The following ANKRD30A variants were observed in gnomAD, a reference collection of about 807,000 sequenced individuals.
ANKRD30A encodes the protein ankyrin repeat domain-containing protein 30A.
In ANKRD30A, 170 loss-of-function variants were observed where a neutral mutation model predicts 166.3. The observed-to-expected ratio is 1.02, with a 90% CI of 0.90 to 1.16. The LOEUF (loss-of-function observed/expected upper bound fraction) is 1.16. Ranked by LOEUF, ANKRD30A falls within the 50% of genes most tolerant of loss-of-function variation. The pLI is 0.00. For synonymous variants in ANKRD30A, 564 were observed against 508.9 expected (o/e 1.11, Z -1.46); for missense variants, 1,630 against 1,518.0 (o/e 1.07, Z -1.23).
chr10:37,214,069 T>A (rs1207219237), intron 31 of ANKRD30A, among the ~76,000 whole-genome samples: 2 of 151,662 alleles, frequency 1.3e-5, no homozygotes, highest in Non-Finnish European at 3.0e-5. Flanking sequence ...CTTTGTATCA[T>A]GTATTTTGAA....
chr10:37,200,679 A>G (rs2132691053), intron 30 of ANKRD30A, among the ~76,000 whole-genome samples: 1 of 152,232 alleles, frequency 6.6e-6, no homozygotes, highest in Non-Finnish European at 1.5e-5. Context: ...ATCACCATAA[A>G]TTTTGTCAAA....
chr10:37,153,422 G>A (rs1838110943), intron 12 of ANKRD30A, 150 bp from the exon 13 acceptor site: 4 of 1,180,266 alleles, frequency 3.4e-6, no homozygotes, highest in Non-Finnish European at 4.7e-6. Context: ...ATCAAAATGT[G>A]TTGGTTTTCT....
Position 37,217,855 on chromosome 10 carries a change from A to C in ANKRD30A, c.3244A>C (p.Ser1082Arg). Residue 1082 changes from serine (S) to arginine (R), a missense_variant, in exon 33 of 36, where the codon AGT (serine) becomes CGT (arginine). Ser to Arg is a moderately radical substitution (Grantham distance 110). Around this residue, in one of 4 missense-constraint regions of ANKRD30A, gnomAD observed 712 missense variants for 629.3 expected, o/e 1.13. Coordinates refer to ENST00000361713, the MANE Select transcript of ANKRD30A (RefSeq NM_052997.3). ...CAGAATACAAGATATAGAATTGAAG[A>C]GTGTAGAAAGTAATTTGAATCAGGT... Reference protein sequence around the residue: ...ALRIQDIELKSVESNLNQVSH... With the variant: ...ALRIQDIELKRVESNLNQVSH... 1 of 1,555,588 alleles carries C rather than the reference A, an allele frequency of 6.4e-7. No homozygotes were observed. The highest frequency in any genetic ancestry group is 8.6e-7 in the Non-Finnish European group (1 of 1,158,188).
the ANKRD30A span, among the ~76,000 whole-genome samples, chr10:37,250,318 C>G: frequency 6.6e-6 from 1 of 151,920 alleles, no homozygotes; most frequent in Admixed American, 6.6e-5. Context: ...CCATACAGGT[C>G]AGGGAGGTGT....
the ANKRD30A span, among the ~76,000 whole-genome samples, chr10:37,258,783 G>GA: frequency 6.6e-6 from 1 of 151,494 alleles, no homozygotes; most frequent in Non-Finnish European, 1.5e-5. Context: ...CTAACAAGGT[G>GA]AAACCCCTAC....
intron 21 of ANKRD30A, among the ~76,000 whole-genome samples, chr10:37,171,914 A>G (rs2132621250): frequency 6.9e-6 from 1 of 144,360 alleles, no homozygotes; most frequent in Middle Eastern, 3.4e-3. Flanking sequence ...TTCACATGCT[A>G]GTTCAGAAGA....
intron 31 of ANKRD30A, among the ~76,000 whole-genome samples, chr10:37,211,986 C>CCAACAGATGGTTCACCA (rs1427793359): frequency 7.4e-4 from 113 of 151,962 alleles, no homozygotes; most frequent in African/African-American, 2.7e-3. Flanking sequence ...GTTCACCACT[C>CCAACAGATGGTTCACCA]CTATTCAACA....
intron 34 of ANKRD30A, among the ~76,000 whole-genome samples, chr10:37,226,792 C>A (rs758576475): frequency 4.8e-5 from 5 of 103,284 alleles, no homozygotes; most frequent in Non-Finnish European, 1.3e-4. Flanking sequence ...AGCAGCTATA[C>A]CATTTTTCAT....
At chr10:37,216,017 G>A (rs754023209) in intron 31 of ANKRD30A, among the ~76,000 whole-genome samples, 164 bp from the exon 32 acceptor site, 13 of 150,500 alleles carry the variant, frequency 8.6e-5, no homozygotes, top group Non-Finnish European at 1.6e-4. Flanking sequence ...CAAGAGGAGA[G>A]GTTTTTTTTT....
Position 37,216,413 on chromosome 10 carries a change from AAATAAATAT to A in ANKRD30A, c.3083+20_3083+28del. The A allele has an allele frequency of 1.3e-6, 2 of 1,565,094 alleles. No homozygotes were observed. The highest frequency in any genetic ancestry group is 1.4e-5 in the African/African-American group (1 of 72,192). Reference sequence around the variant, plus strand: ...GTGTGAGGTGTGATTTCCTAGTTTTAAATAAATATTTCAGCTATTTATACTAAAACTACG... The same window carrying A: ...GTGTGAGGTGTGATTTCCTAGTTTTATTCAGCTATTTATACTAAAACTACG... On this transcript the variant is annotated intron_variant, in intron 32 of 35. Coordinates refer to ENST00000361713, the MANE Select transcript of ANKRD30A (RefSeq NM_052997.3).
Position 37,142,051 on chromosome 10 carries a change from G to A in ANKRD30A, c.1154G>A (p.Trp385Ter). The A allele has an allele frequency of 6.2e-7, 1 of 1,613,634 alleles. No individual in the cohort carries two copies. Among genetic ancestry groups the A allele is most frequent in the Non-Finnish European group, 8.5e-7 (1 of 1,179,914 alleles). ...PAKGRPRKIA[W>*]EKKEDTPREI... ...AAAGGAAGACCTAGGAAGATCGCAT[G>A]GGAGAAAAAAGAAGACACACCTAGG... Residue 385 changes from tryptophan (W) to a stop codon, truncating the protein, a stop_gained, in exon 7 of 36, where the codon TGG becomes TAG. Coordinates refer to ENST00000361713, the MANE Select transcript of ANKRD30A (RefSeq NM_052997.3). LOFTEE classifies it high-confidence loss of function.
At chr10:37,141,603 A>C in intron 6 of ANKRD30A, 115 bp from the exon 7 acceptor site, 1 of 1,386,810 alleles carries the variant, frequency 7.2e-7, no homozygotes, top group Non-Finnish European at 9.6e-7. Context: ...AGAGAAAAGA[A>C]AAGTTTGGTA....
intron 33 of ANKRD30A, among the ~76,000 whole-genome samples, chr10:37,218,619 G>A (rs531060786): frequency 1.9e-4 from 28 of 151,064 alleles, no homozygotes; most frequent in African/African-American, 5.6e-4. Flanking sequence ...CTTAGTATAT[G>A]TTAGACATCA....
intron 8 of ANKRD30A, 98 bp downstream of exon 8, chr10:37,145,154 C>A (rs201494283): frequency 0.02 from 13,121 of 650,558 alleles, no homozygotes; most frequent in South Asian, 0.048. Flanking sequence ...TTACCACTGC[C>A]TATGCTCAGA....
intron 31 of ANKRD30A, among the ~76,000 whole-genome samples, chr10:37,212,681 A>G (rs1468774324): frequency 6.6e-6 from 1 of 152,010 alleles, no homozygotes; most frequent in Non-Finnish European, 1.5e-5. Flanking sequence ...ATATAGACCA[A>G]TGGAATAGAA....
At chr10:37,137,421 C>T (rs946533049) in intron 6 of ANKRD30A, among the ~76,000 whole-genome samples, 58 of 152,250 alleles carry the variant, frequency 3.8e-4, no homozygotes, top group African/African-American at 6.5e-4. Context: ...CGAAGCAGGG[C>T]GAGGCATTGC....
chr10:37,126,867 G>A (rs369213384), intron 1 of ANKRD30A, among the ~76,000 whole-genome samples: 1 of 151,710 alleles, frequency 6.6e-6, no homozygotes, highest in Non-Finnish European at 1.5e-5. Context: ...GGCCAATATG[G>A]TGAAACGCCG....
At chr10:37,197,193 G>A in intron 27 of ANKRD30A, 88 bp from the exon 28 acceptor site, 4 of 1,535,756 alleles carry the variant, frequency 2.6e-6, no homozygotes, top group Non-Finnish European at 2.7e-6. Flanking sequence ...GGAGCAAGAG[G>A]AGTCAGTTAG....
chr10:37,142,486 T>A (rs1377823774), intron 7 of ANKRD30A, among the ~76,000 whole-genome samples, 196 bp downstream of exon 7: 1 of 151,094 alleles, frequency 6.6e-6, no homozygotes, highest in Non-Finnish European at 1.5e-5. Context: ...CTTCTGGCCG[T>A]AAATGCTAGA....
Sources: allele counts gnomAD v4.1 joint callset (sites outside exome capture counted in the v4.1 genomes callset), GRCh38; gene constraint gnomAD v4.1.1; regional missense constraint gnomAD v4.1.1; transcripts MANE v1.5; gene names NCBI Gene and HGNC (gene_info 2026-07-23, HGNC 2026-07-21).